The following MTHFD1L variants were observed in gnomAD, a reference collection of about 807,000 sequenced individuals.
MTHFD1L encodes monofunctional C1-tetrahydrofolate synthase, mitochondrial.
A neutral mutation model predicts 119.5 loss-of-function variants in MTHFD1L; 81 were observed. That is an observed-to-expected ratio of 0.68 (90% CI 0.57 to 0.82). MTHFD1L has a LOEUF of 0.82. Ranked by LOEUF, MTHFD1L falls within the 40% of genes least tolerant of loss-of-function variation. MTHFD1L has a pLI of 0.00. For synonymous variants in MTHFD1L, 430 were observed against 475.2 expected (o/e 0.90, Z 1.24); for missense variants, 1,125 against 1,253.4 (o/e 0.90, Z 1.55).
chr6:150,969,040 G>A (rs574725063), intron 19 of MTHFD1L, among the ~76,000 whole-genome samples: 246 of 151,634 alleles, frequency 1.6e-3, no homozygotes, highest in African/African-American at 5.9e-3. Context: ...GTAGAGACAG[G>A]GTTTTACCAT....
chr6:150,866,560 C>A, intron 1 of MTHFD1L: 1 of 1,232,676 alleles, frequency 8.1e-7, no homozygotes, highest in Admixed American at 4.3e-5. Context: ...TGGTGTTGTG[C>A]GCCCTTCCCC....
In MTHFD1L at chr6:151,051,428, G is replaced by A. The variant is rs151185087; in HGVS notation, c.2847+14311G>A. On this transcript the variant is annotated intron_variant, in intron 26 of 27. Coordinates refer to ENST00000367321, the MANE Select transcript of MTHFD1L (RefSeq NM_015440.5). The stretch of plus-strand genomic sequence containing the variant: ...CCTTCCAAATGCTTTGTATAGATTA[G>A]CTCATCACTCCCCATACTCACCCTG... 4.5e-4 allele frequency among the ~76,000 whole-genome samples: 68 copies of A among 152,264 alleles called. 1 individual carries two copies. In the East Asian group the frequency reaches 0.01, roughly 22 times the overall value.
rs557223173 is a variant in MTHFD1L at position 150,912,826 on chromosome 6, T to TA, written c.893-5750dup. The TA allele has an allele frequency of 2.6e-3, 907 of 342,684 alleles. 1 individual carries two copies. Among genetic ancestry groups the TA allele is most frequent in the Non-Finnish European group, 4.6e-3 (753 of 163,866 alleles). The allele number at this position is 342,684 out of a possible 1,614,324, so 21.2% of individuals were successfully genotyped here. On this transcript the variant is annotated intron_variant, in intron 8 of 27. Coordinates refer to ENST00000367321, the MANE Select transcript of MTHFD1L (RefSeq NM_015440.5). ...TCGTTGGACTGTGATCCCAGGATAT[T>TA]ACCCAGGCCCAGATCGTAGACAACC...
Position 150,983,514 on chromosome 6 carries a change from C to T in MTHFD1L, c.2125+11456C>T, listed in dbSNP as rs113210893. 1.6e-3 allele frequency among the ~76,000 whole-genome samples: 238 copies of T among 152,224 alleles called. 2 individuals carry two copies. Among genetic ancestry groups the T allele is most frequent in the African/African-American group, 5.2e-3 (216 of 41,540 alleles). On this transcript the variant is annotated intron_variant, in intron 20 of 27. Transcript: ENST00000367321. ...ATCTAAGGCAGCCGAGAGTGCTGTC[C>T]CCTTTGTCCCAGGCTCTGCAGCATC... is the stretch of plus-strand genomic sequence containing the variant.
rs112582778 is a variant in MTHFD1L, at chr6:151,092,420, C to T, written c.2848-47C>T. 584 of 1,473,622 alleles carry T rather than the reference C, an allele frequency of 4.0e-4. 4 individuals are homozygous for T. The African/African-American group carries it at 6.9e-3, about 17-fold the overall frequency. The allele number at this position is 1,473,622 out of a possible 1,614,324, so 91.3% of individuals were successfully genotyped here. ...AATTTGCATCATCAGATGTTGTGGC[C>T]GCTTTGTAGCATTTGCTAATCTGTA... On this transcript the variant is annotated intron_variant, in intron 26 of 27. Coordinates refer to ENST00000367321, the MANE Select transcript of MTHFD1L (RefSeq NM_015440.5).
chr6:150,964,364 C>T (rs936468820), intron 18 of MTHFD1L, among the ~76,000 whole-genome samples: 1 of 152,094 alleles, frequency 6.6e-6, no homozygotes. Flanking sequence ...AAGGAAGCTG[C>T]CTTATTTCAT....
At chr6:151,020,860 TGAAA>T (rs1353086795) in intron 24 of MTHFD1L, among the ~76,000 whole-genome samples, 1 of 152,216 alleles carries the variant, frequency 6.6e-6, no homozygotes, top group Admixed American at 6.5e-5. Flanking sequence ...ATATGATGGC[TGAAA>T]GAAACGCTAA....
At chr6:150,962,699 G>GAC (rs1796616361) in intron 18 of MTHFD1L, among the ~76,000 whole-genome samples, 1 of 152,212 alleles carries the variant, frequency 6.6e-6, no homozygotes, top group African/African-American at 2.4e-5. Context: ...TGAGCAGGTA[G>GAC]AAGCCTACCT....
intron 13 of MTHFD1L, among the ~76,000 whole-genome samples, chr6:150,940,870 G>A (rs545578080): frequency 5.3e-5 from 8 of 152,264 alleles, no homozygotes; most frequent in East Asian, 1.9e-4. Flanking sequence ...GTGAGCCACC[G>A]CGCCCAGCCA....
At chr6:151,076,604 T>A (rs1459237859) in intron 26 of MTHFD1L, among the ~76,000 whole-genome samples, 1 of 151,246 alleles carries the variant, frequency 6.6e-6, no homozygotes, top group Non-Finnish European at 1.5e-5. Flanking sequence ...TGAGCCAAGA[T>A]TGTACCACTG....
chr6:151,081,012 C>T (rs1793093922), intron 26 of MTHFD1L, among the ~76,000 whole-genome samples: 2 of 152,028 alleles, frequency 1.3e-5, no homozygotes, highest in Non-Finnish European at 2.9e-5. Context: ...CAAATGTAGT[C>T]GTATTGGGGG....
At chr6:151,049,775 A>G (rs1036566282) in intron 26 of MTHFD1L, among the ~76,000 whole-genome samples, 11 of 152,116 alleles carry the variant, frequency 7.2e-5, no homozygotes, top group Admixed American at 5.2e-4. Context: ...GTTATGATAT[A>G]TATTGATTTT....
chr6:151,017,230 C>G (rs1783221324), intron 24 of MTHFD1L, among the ~76,000 whole-genome samples: 1 of 152,198 alleles, frequency 6.6e-6, no homozygotes, highest in African/African-American at 2.4e-5. Context: ...AGCTACCATT[C>G]TCCTTCATTT....
intron 1 of MTHFD1L, 91 bp from the exon 2 acceptor site, chr6:150,875,999 G>A (rs1228442558): frequency 2.0e-6 from 2 of 1,008,338 alleles, no homozygotes; most frequent in Non-Finnish European, 3.1e-6. Context: ...ATTTTCACTT[G>A]GAGGAAGGAA....
chr6:150,950,636 CTG>C (rs1794710821), intron 16 of MTHFD1L, among the ~76,000 whole-genome samples: 1 of 152,180 alleles, frequency 6.6e-6, no homozygotes, highest in South Asian at 2.1e-4. Flanking sequence ...TCAGAAGTCA[CTG>C]TGGTGATAGC....
intron 26 of MTHFD1L, among the ~76,000 whole-genome samples, chr6:151,058,646 C>A (rs1247065756): frequency 6.6e-6 from 1 of 152,188 alleles, no homozygotes; most frequent in Non-Finnish European, 1.5e-5. Context: ...CAGGAGGGCC[C>A]ACGCCACCCT....
chr6:150,954,920 T>A (rs2793199), intron 16 of MTHFD1L, among the ~76,000 whole-genome samples: 44,593 of 152,046 alleles, frequency 0.29, 6,839 homozygotes, highest in East Asian at 0.49. Context: ...ACTGAAATTC[T>A]AATAAGCCAG....
intron 26 of MTHFD1L, among the ~76,000 whole-genome samples, chr6:151,049,687 G>C (rs191458031): frequency 2.0e-5 from 3 of 150,444 alleles, no homozygotes; most frequent in Admixed American, 2.0e-4. Flanking sequence ...AAATGGGTTC[G>C]CATGAGCCCC....
At chr6:151,079,408 G>T (rs985590540) in intron 26 of MTHFD1L, among the ~76,000 whole-genome samples, 1 of 152,026 alleles carries the variant, frequency 6.6e-6, no homozygotes, top group Admixed American at 6.6e-5. Context: ...GCCACTGGGG[G>T]CAGGGCAGTG....
Sources: allele counts gnomAD v4.1 joint callset (sites outside exome capture counted in the v4.1 genomes callset), GRCh38; gene constraint gnomAD v4.1.1; transcripts MANE v1.5; gene names NCBI Gene and HGNC (gene_info 2026-07-23, HGNC 2026-07-21).